Variants in SLIT2 observed in about 807,000 individuals in gnomAD.
SLIT2 encodes the protein slit homolog 2 protein.
A neutral mutation model predicts 185.7 loss-of-function variants in SLIT2; 41 were observed. That is an observed-to-expected ratio of 0.22 (90% CI 0.17 to 0.29). The LOEUF (loss-of-function observed/expected upper bound fraction) is 0.29, where lower values mean the gene tolerates loss of function less well. Ranked by LOEUF, SLIT2 falls within the 10% of genes least tolerant of loss-of-function variation. The pLI is 1.00. For synonymous variants in SLIT2, 693 were observed against 680.2 expected (o/e 1.02, Z -0.29); for missense variants, 1,571 against 1,909.0 (o/e 0.82, Z 3.30).
chr4:20,422,526 C>T (rs1463155023), intron 4 of SLIT2, among the ~76,000 whole-genome samples: 3 of 152,140 alleles, frequency 2.0e-5, no homozygotes, highest in African/African-American at 7.2e-5. Context: ...ATACAGGTCA[C>T]CATCACTGCT....
chr4:20,469,142 G>A (rs944851975), intron 5 of SLIT2, among the ~76,000 whole-genome samples: 13 of 152,044 alleles, frequency 8.6e-5, no homozygotes, highest in African/African-American at 2.9e-4. Context: ...GAAGTCTTCA[G>A]GTAGACTCAA....
At chr4:20,383,597 C>T (rs1724702670) in intron 4 of SLIT2, among the ~76,000 whole-genome samples, 1 of 152,176 alleles carries the variant, frequency 6.6e-6, no homozygotes. Flanking sequence ...ACAACTGGAA[C>T]TCTCACATAT....
In SLIT2 at chr4:20,491,771, A is replaced by C; in HGVS notation, c.786A>C (p.Ser262=). 7 of 1,611,166 alleles carry C rather than the reference A, an allele frequency of 4.3e-6. No individual in the cohort carries two copies. Among genetic ancestry groups the C allele is most frequent in the Non-Finnish European group, 5.9e-6 (7 of 1,178,818 alleles). Reference sequence around the variant, plus strand: ...TTATTTCTTTTTTAGGTCACCAGTCATTTATGGCTCCTTCTTGTAGTGTTT... The same window carrying C: ...TTATTTCTTTTTTAGGTCACCAGTCCTTTATGGCTCCTTCTTGTAGTGTTT... ...KREFVCSGHQ[S]FMAPSCSVLH... is the part of the protein sequence containing the mutation. Residue 262 remains serine (S), a synonymous_variant, in exon 9 of 37, where the codon TCA becomes TCC. Transcript: ENST00000504154.
intron 4 of SLIT2, among the ~76,000 whole-genome samples, chr4:20,291,482 ATATATATATATTTTTTTTTTTTTT>A (rs1715881746): frequency 2.4e-4 from 3 of 12,678 alleles, no homozygotes; most frequent in Admixed American, 1.4e-3. Context: ...ATATATATAT[ATATATATATATTTTTTTTTTTTTT>A]TTTTTTTTTT....
chr4:20,570,745 A>G (rs990769408), intron 29 of SLIT2, among the ~76,000 whole-genome samples: 4 of 145,050 alleles, frequency 2.8e-5, no homozygotes, highest in East Asian at 2.0e-4. Context: ...ATATATATAT[A>G]TATATATATA....
Position 20,595,703 on chromosome 4 carries a change from C to G in SLIT2, c.3189C>G (p.Asp1063Glu). ...TACCTGCTTGTTCCAACAGATGTGACTGCACACCAGGGTACGTAGGTGAAC... is the reference window on the plus strand; with the variant it reads ...TACCTGCTTGTTCCAACAGATGTGAGTGCACACCAGGGTACGTAGGTGAAC... ...CILTPKGFKC[D>E]CTPGYVGEHC... The change falls in exon 31 of 37, where the codon GAC (aspartate) becomes GAG (glutamate). Residue 1063 changes from aspartate to glutamate, a missense_variant. Physicochemically the swap from Asp to Glu is conservative, Grantham distance 45. Around this residue, in one of 3 missense-constraint regions of SLIT2, gnomAD observed 1,202 missense variants for 1,416.4 expected, o/e 0.85. Coordinates refer to ENST00000504154, the MANE Select transcript of SLIT2 (RefSeq NM_004787.4). 1 of 1,613,952 alleles carries G rather than the reference C, an allele frequency of 6.2e-7. No homozygotes were observed. The highest frequency in any genetic ancestry group is 8.5e-7 in the Non-Finnish European group (1 of 1,179,890).
chr4:20,508,971 C>T (rs1013407490), intron 9 of SLIT2, among the ~76,000 whole-genome samples: 6 of 151,736 alleles, frequency 4.0e-5, no homozygotes, highest in African/African-American at 1.5e-4. Context: ...CATTTAATGT[C>T]CTAGGGATAA....
chr4:20,385,849 T>C (rs6847003), intron 4 of SLIT2, among the ~76,000 whole-genome samples: 2,085 of 152,282 alleles, frequency 0.014, 43 homozygotes, highest in African/African-American at 0.048. Flanking sequence ...CCATACAGTT[T>C]CTTTATTTCA....
intron 4 of SLIT2, among the ~76,000 whole-genome samples, chr4:20,313,294 T>C (rs968334997): frequency 1.3e-5 from 2 of 152,164 alleles, no homozygotes; most frequent in African/African-American, 4.8e-5. Flanking sequence ...AAGGCAAAGC[T>C]GGAGCAGGCA....
At chr4:20,432,419 A>C (rs1439225729) in intron 4 of SLIT2, among the ~76,000 whole-genome samples, 1 of 152,192 alleles carries the variant, frequency 6.6e-6, no homozygotes, top group Non-Finnish European at 1.5e-5. Context: ...ATAGGTCAGA[A>C]AATGTGTGGG....
intron 12 of SLIT2, 105 bp downstream of exon 12, chr4:20,519,558 A>G (rs933717529): frequency 8.9e-6 from 6 of 674,342 alleles, no homozygotes; most frequent in South Asian, 1.8e-5. Flanking sequence ...ACTCAAAATG[A>G]TACAGTTTAA....
chr4:20,481,041 C>T (rs1415268327), intron 6 of SLIT2, among the ~76,000 whole-genome samples: 1 of 151,560 alleles, frequency 6.6e-6, no homozygotes, highest in Middle Eastern at 3.2e-3. Flanking sequence ...TTATGAGATT[C>T]ATAGAATTTG....
At chr4:20,255,614 CAGTTTAA>C (rs1345517329) in intron 1 of SLIT2, among the ~76,000 whole-genome samples, 3 of 150,982 alleles carry the variant, frequency 2.0e-5, no homozygotes, top group Non-Finnish European at 4.4e-5. Flanking sequence ...CTATTCAGAA[CAGTTTAA>C]AGTTTAAGCA....
intron 29 of SLIT2, among the ~76,000 whole-genome samples, chr4:20,578,825 T>A (rs1726282528): frequency 6.6e-6 from 1 of 152,214 alleles, no homozygotes; most frequent in Admixed American, 6.5e-5. Flanking sequence ...TAAAACAAAT[T>A]AATATTTTTA....
chr4:20,298,234 A>T (rs1293172269), intron 4 of SLIT2, among the ~76,000 whole-genome samples: 2 of 151,882 alleles, frequency 1.3e-5, no homozygotes, highest in African/African-American at 4.8e-5. Context: ...GATTACAGGC[A>T]TGTGCCACCA....
At chr4:20,360,406 A>C (rs1722649536) in intron 4 of SLIT2, among the ~76,000 whole-genome samples, 1 of 152,160 alleles carries the variant, frequency 6.6e-6, no homozygotes, top group Non-Finnish European at 1.5e-5. Context: ...AGACAAATGC[A>C]AGAGGGCTTT....
At chr4:20,518,597 T>A (rs1367065078) in intron 11 of SLIT2, among the ~76,000 whole-genome samples, 44 of 16,886 alleles carry the variant, frequency 2.6e-3, no homozygotes, top group African/African-American at 4.0e-3. Flanking sequence ...ATTTTTTTTT[T>A]TTTTTTTTTT....
intron 33 of SLIT2, among the ~76,000 whole-genome samples, chr4:20,608,194 A>G (rs1242045553): frequency 2.0e-5 from 3 of 152,112 alleles, no homozygotes; most frequent in Non-Finnish European, 4.4e-5. Flanking sequence ...TAGTCCTCAA[A>G]TTAACCATGG....
At chr4:20,280,774 A>C (rs1482295907) in intron 4 of SLIT2, among the ~76,000 whole-genome samples, 2 of 152,046 alleles carry the variant, frequency 1.3e-5, no homozygotes, top group Non-Finnish European at 2.9e-5. Flanking sequence ...TTATTAGCTT[A>C]CATTTTGAAT....
Sources: allele counts gnomAD v4.1 joint callset (sites outside exome capture counted in the v4.1 genomes callset), GRCh38; gene constraint gnomAD v4.1.1; regional missense constraint gnomAD v4.1.1; transcripts MANE v1.5; gene names NCBI Gene and HGNC (gene_info 2026-07-23, HGNC 2026-07-21).